The following COL5A1 variants were observed in gnomAD, a reference collection of about 807,000 sequenced individuals.
COL5A1 encodes the protein collagen alpha-1(V) chain.
In COL5A1, 16 loss-of-function variants were observed where a neutral mutation model predicts 263.7. The ratio of observed to expected loss-of-function variants is 0.06; its 90% CI spans 0.04 to 0.09. The LOEUF is 0.09. Among genes scored for constraint, COL5A1 ranks in the 10% least tolerant of loss-of-function variants. The probability of loss-of-function intolerance (pLI) is 1.00; values close to 1 mark genes in which losing one functional copy is unlikely to be tolerated. For synonymous variants in COL5A1, 1,012 were observed against 1,004.5 expected (o/e 1.01, Z -0.14); for missense variants, 2,036 against 2,540.5 (o/e 0.80, Z 4.27).
intron 39 of COL5A1, among the ~76,000 whole-genome samples, chr9:134,804,663 G>A (rs1838230798): frequency 6.6e-6 from 1 of 152,228 alleles, no homozygotes; most frequent in South Asian, 2.1e-4. Context: ...GGCTCAGGCT[G>A]TGCTCCCACG....
At chr9:134,697,080 A>G (rs1179438345) in intron 2 of COL5A1, among the ~76,000 whole-genome samples, 1 of 152,012 alleles carries the variant, frequency 6.6e-6, no homozygotes, top group African/African-American at 2.4e-5. Context: ...TAAAAAAAAA[A>G]AAATGAAAAG....
intron 4 of COL5A1, among the ~76,000 whole-genome samples, chr9:134,725,702 G>T (rs1834623437): frequency 6.6e-6 from 1 of 152,250 alleles, no homozygotes; most frequent in Admixed American, 6.5e-5. Flanking sequence ...GACACAGTTA[G>T]AGTGTAGGCT....
At chr9:134,717,935 G>A (rs1290431007) in intron 4 of COL5A1, among the ~76,000 whole-genome samples, 1 of 152,098 alleles carries the variant, frequency 6.6e-6, no homozygotes, top group Non-Finnish European at 1.5e-5. Context: ...AAGGAGGAGT[G>A]CATGATTAAA....
chr9:134,768,979 G>A (rs866807015), intron 25 of COL5A1, among the ~76,000 whole-genome samples: 4 of 152,206 alleles, frequency 2.6e-5, no homozygotes, highest in Non-Finnish European at 4.4e-5. Flanking sequence ...TGTGTGGAGG[G>A]GGGAGGTGTG....
At chr9:134,803,491 T>C (rs1401592078) in intron 39 of COL5A1, among the ~76,000 whole-genome samples, 1 of 152,030 alleles carries the variant, frequency 6.6e-6, no homozygotes, top group East Asian at 1.9e-4. Flanking sequence ...AGAAATTAGC[T>C]GGGTGTGGTG....
chr9:134,824,811 G>A lies in COL5A1; in HGVS notation c.4910G>A (p.Arg1637His), dbSNP rs199998065. ...CTGGGCACGCAGCAGAACCCCGCCC[G>A]CACCTGCAAGGACCTGCAGCTCTGC... ...RPLGTQQNPARTCKDLQLCHP... is the reference protein window; with the variant it reads ...RPLGTQQNPAHTCKDLQLCHP... The change falls in exon 62 of 66, where the codon CGC (arginine) becomes CAC (histidine). Residue 1637 changes from arginine (R) to histidine (H), a missense_variant. Arg to His is a conservative substitution (Grantham distance 29). This residue lies in a region of COL5A1 where 358 missense variants were observed against 384.6 expected (regional missense o/e 0.93). Coordinates refer to ENST00000371817, the MANE Select transcript of COL5A1 (RefSeq NM_000093.5). 1.1e-4 allele frequency: 170 copies of A among 1,613,726 alleles called. No individual in the cohort carries two copies. The highest frequency in any genetic ancestry group is 1.7e-4 in the Admixed American group (10 of 59,998).
rs1831306737 is a variant in COL5A1 at position 134,642,098 on chromosome 9, G to T, written c.-90G>T. On this transcript the variant is annotated 5_prime_UTR_variant, in exon 1 of 66. Transcript: ENST00000371817. The surrounding 1 kb of genome is among the most constrained non-coding windows in gnomAD (Gnocchi z 4.5). Reference sequence around the variant, plus strand: ...CTCCTAAAGTGGTGCGGTCCCTGCTGAGTGCGCTGCCCGGGCCGTGACCCG... The same window carrying T: ...CTCCTAAAGTGGTGCGGTCCCTGCTTAGTGCGCTGCCCGGGCCGTGACCCG... 9 of 1,120,526 alleles carry T rather than the reference G, an allele frequency of 8.0e-6. No individual in the cohort carries two copies. Among genetic ancestry groups the T allele is most frequent in the Non-Finnish European group, 1.0e-5 (9 of 887,312 alleles). 69.4% of individuals were successfully genotyped at this position (1,120,526 alleles called of 1,614,324 possible). A position where few individuals can be genotyped will look rare whatever the true frequency, so the allele number is the denominator to read the frequency against.
At chr9:134,712,958 G>T (rs1463825383) in intron 4 of COL5A1, among the ~76,000 whole-genome samples, 1 of 152,106 alleles carries the variant, frequency 6.6e-6, no homozygotes, top group Non-Finnish European at 1.5e-5. Context: ...GGCTGCAGCC[G>T]GGGACTCCCA....
chr9:134,753,766 G>GCCCCCCCCCAGCCCCC, intron 14 of COL5A1, 84 bp from the exon 15 acceptor site: 1 of 615,310 alleles, frequency 1.6e-6, no homozygotes, highest in Non-Finnish European at 3.0e-6. Flanking sequence ...CCCTCCCCCT[G>GCCCCCCCCCAGCCCCC]CCCCTCCCCT....
intron 6 of COL5A1, 109 bp from the exon 7 acceptor site, chr9:134,730,127 C>G: frequency 6.6e-7 from 1 of 1,515,556 alleles, no homozygotes; most frequent in Non-Finnish European, 9.0e-7. Flanking sequence ...GGCCTGGGCT[C>G]CAGGCGTTGC....
chr9:134,823,126 T>G, intron 60 of COL5A1, 93 bp downstream of exon 60: 1 of 1,430,038 alleles, frequency 7.0e-7, no homozygotes, highest in South Asian at 1.2e-5. Flanking sequence ...CAGACAACCG[T>G]CCTAGCTCAG....
Position 134,678,088 on chromosome 9 carries a change from G to C in COL5A1, c.110-12824G>C, listed in dbSNP as rs930272875. On this transcript the variant is annotated intron_variant, in intron 1 of 65. Transcript: ENST00000371817. This position sits in a 1 kb window ranked among gnomAD's most constrained non-coding sequence, Gnocchi z 5.5. ...TGCTCTCCCCAGCGTCACTCCCTCC[G>C]CAGCAGGGTATCTGCAGGGGTCTTG... Among the ~76,000 whole-genome samples the C allele has an allele frequency of 1.3e-5, 2 of 152,210 alleles. No homozygotes were observed. The highest frequency in any genetic ancestry group is 4.8e-5 in the African/African-American group (2 of 41,456).
intron 34 of COL5A1, 47 bp downstream of exon 34, chr9:134,795,362 C>T: frequency 6.3e-7 from 1 of 1,575,428 alleles, no homozygotes; most frequent in Non-Finnish European, 8.7e-7. Flanking sequence ...ACCCAAGTTG[C>T]AAGGCTACAG....
intron 32 of COL5A1, among the ~76,000 whole-genome samples, chr9:134,791,258 A>C (rs114362863): frequency 8.2e-4 from 124 of 152,106 alleles, no homozygotes; most frequent in African/African-American, 2.9e-3. Context: ...GGCTGGTGGC[A>C]CAACCCACAA....
At chr9:134,750,223 C>T (rs538589270) in intron 11 of COL5A1, among the ~76,000 whole-genome samples, 1 of 152,308 alleles carries the variant, frequency 6.6e-6, no homozygotes, top group Non-Finnish European at 1.5e-5. Context: ...ACACTGCCTC[C>T]TCACCTTCGG....
At chr9:134,657,972 T>C (rs915950115) in intron 1 of COL5A1, among the ~76,000 whole-genome samples, 1 of 151,882 alleles carries the variant, frequency 6.6e-6, no homozygotes. Context: ...TCGGGTGGGC[T>C]TCACTGACGA....
chr9:134,734,337 G>A (rs182789500), intron 9 of COL5A1, among the ~76,000 whole-genome samples: 72 of 149,578 alleles, frequency 4.8e-4, no homozygotes, highest in African/African-American at 1.5e-3. Flanking sequence ...AGCAGCAGCC[G>A]TCTGGGTGCA....
rs1554801161 is a variant in COL5A1, at chr9:134,793,386, G to GGGC, written c.2701-1694_2701-1693insCGG. ...GGGAGAAGGAAGGCTAAGGAGGCTG[G>GGGC]GGGGGGCATTCTGTTCCACAGCTCC... On this transcript the variant is annotated intron_variant, in intron 32 of 65. Transcript: ENST00000371817. Among the ~76,000 whole-genome samples, 870 of 151,876 alleles carry GGGC rather than the reference G, an allele frequency of 5.7e-3. 5 individuals are homozygous for GGGC. The highest frequency in any genetic ancestry group is 0.02 in the African/African-American group (824 of 41,320).
rs1243536977 is a variant in COL5A1 at position 134,753,902 on chromosome 9, A to C, written c.1772A>C (p.Gln591Pro). The part of the protein sequence containing the change: ...LKGEPGDVGP[Q>P]GPRGVQGPPG... Reference sequence around the variant, plus strand: ...GGCGAGCCGGGAGACGTGGGGCCTCAGGTATGTGGGATCCTTGCCTTCGCT... The same window carrying C: ...GGCGAGCCGGGAGACGTGGGGCCTCCGGTATGTGGGATCCTTGCCTTCGCT... Residue 591 changes from glutamine (Q) to proline (P), a missense_variant and splice_region_variant, in exon 15 of 66, where the codon CAG becomes CCG. Physicochemically the swap from Gln to Pro is moderately conservative, Grantham distance 76 (BLOSUM62 -1). Around this residue, in one of 3 missense-constraint regions of COL5A1, gnomAD observed 1,078 missense variants for 1,521.4 expected, o/e 0.71. Coordinates refer to ENST00000371817, the MANE Select transcript of COL5A1 (RefSeq NM_000093.5). 1 of 1,612,648 alleles carries C rather than the reference A, an allele frequency of 6.2e-7. No individual in the cohort carries two copies. Among genetic ancestry groups the C allele is most frequent in the Non-Finnish European group, 8.5e-7 (1 of 1,179,470 alleles).
Sources: allele counts gnomAD v4.1 joint callset (sites outside exome capture counted in the v4.1 genomes callset), GRCh38; gene constraint gnomAD v4.1.1; regional missense constraint gnomAD v4.1.1; non-coding constraint Gnocchi (gnomAD v3.1); transcripts MANE v1.5; gene names NCBI Gene and HGNC (gene_info 2026-07-23, HGNC 2026-07-21).